Variants in SLC10A6 observed in about 807,000 individuals in gnomAD.
The protein encoded by SLC10A6 is sodium-dependent organic anion transporter.
In SLC10A6, 27 loss-of-function variants were observed where a neutral mutation model predicts 30.0. The ratio of observed to expected loss-of-function variants is 0.90; its 90% CI spans 0.66 to 1.24. SLC10A6 has a LOEUF of 1.24. Ranked by LOEUF, SLC10A6 falls within the 50% of genes most tolerant of loss-of-function variation. The pLI, the probability that SLC10A6 is intolerant of heterozygous loss-of-function variation, is 0.00. For missense variants in SLC10A6, 439 were observed against 457.0 expected (o/e 0.96, Z 0.36); for synonymous variants, 166 against 173.8 (o/e 0.95, Z 0.36).
chr4:86,837,292 AGGAAGGAAGG>A (rs1179982753), intron 1 of SLC10A6, among the ~76,000 whole-genome samples: 15 of 81,850 alleles, frequency 1.8e-4, no homozygotes, highest in East Asian at 3.5e-4. Context: ...AGAAAAAGAA[AGGAAGGAAGG>A]AAGGAAGGAA....
chr4:86,834,334 T>A (rs1455573774), intron 1 of SLC10A6, among the ~76,000 whole-genome samples: 1 of 152,174 alleles, frequency 6.6e-6, no homozygotes, highest in African/African-American at 2.4e-5. Context: ...GTGTACAGCC[T>A]GCAGACCCTC....
chr4:86,841,768 C>A (rs1746294076), intron 1 of SLC10A6, among the ~76,000 whole-genome samples: 1 of 151,886 alleles, frequency 6.6e-6, no homozygotes, highest in Non-Finnish European at 1.5e-5. Context: ...GAACTCTGAC[C>A]CTCAAAACTA....
chr4:86,846,886 T>G (rs1746402295), intron 1 of SLC10A6, among the ~76,000 whole-genome samples: 1 of 152,174 alleles, frequency 6.6e-6, no homozygotes, highest in South Asian at 2.1e-4. Flanking sequence ...AAAGGTGAAT[T>G]AAAGATAAGA....
At chr4:86,836,420 G>A (rs1175288859) in intron 1 of SLC10A6, among the ~76,000 whole-genome samples, 1 of 152,130 alleles carries the variant, frequency 6.6e-6, no homozygotes, top group African/African-American at 2.4e-5. Flanking sequence ...AGCTTTCTGG[G>A]AGGTGTTTAG....
In SLC10A6 at chr4:86,848,766, A is replaced by T; in HGVS notation, c.350T>A (p.Phe117Tyr). The T allele has an allele frequency of 6.2e-7, 1 of 1,602,482 alleles. No individual in the cohort carries two copies. Among genetic ancestry groups the T allele is most frequent in the South Asian group, 1.1e-5 (1 of 88,366 alleles). Residue 117 changes from phenylalanine to tyrosine, a missense_variant, in exon 1 of 6, where the codon TTC (phenylalanine) becomes TAC (tyrosine). Transcript: ENST00000273905. ...PGGTISNIFT[F>Y]WVDGDMDLSI... is the part of the protein sequence containing the mutation. ...GAGATCCATATCTCCATCAACCCAG[A>T]AGGTGAAAATGTTAGAGATGGTGCC...
At chr4:86,831,723 A>G in intron 3 of SLC10A6, 69 bp downstream of exon 3, 3 of 1,287,088 alleles carry the variant, frequency 2.3e-6, no homozygotes, top group Non-Finnish European at 3.3e-6. Context: ...TGTCCCAGCC[A>G]CTGCTCACTT....
At chr4:86,848,320 C>T (rs538821254) in intron 1 of SLC10A6, among the ~76,000 whole-genome samples, 3 of 152,268 alleles carry the variant, frequency 2.0e-5, no homozygotes, top group Admixed American at 1.3e-4. Flanking sequence ...ACTGGAGCTA[C>T]GGGAGTCTCA....
At position 86,849,231 on chromosome 4, in the gene SLC10A6, A is replaced by G. The variant is rs952907741; in HGVS notation, c.-116T>C. On this transcript the variant is annotated 5_prime_UTR_variant, in exon 1 of 6. Transcript: ENST00000273905. ...AAGTCACACATGGAGAATCATTCCA[A>G]TAACTGTTGGCCAGCAAGGTGATTC... 3 of 1,277,646 alleles carry G rather than the reference A, an allele frequency of 2.3e-6. No homozygotes were observed. The highest frequency in any genetic ancestry group is 3.2e-6 in the Non-Finnish European group (3 of 927,678). The allele number at this position is 1,277,646 out of a possible 1,614,324, so 79.1% of individuals were successfully genotyped here.
intron 1 of SLC10A6, among the ~76,000 whole-genome samples, chr4:86,846,780 C>T (rs1054681074): frequency 9.9e-5 from 15 of 151,938 alleles, no homozygotes; most frequent in South Asian, 2.1e-4. Context: ...CATATATATA[C>T]ATATATATAC....
intron 1 of SLC10A6, among the ~76,000 whole-genome samples, chr4:86,837,276 AAAGAAAGAAAAAGAAAGG>A (rs1746207682): frequency 1.9e-5 from 2 of 103,746 alleles, no homozygotes; most frequent in African/African-American, 3.8e-5. Context: ...AGAAAGAAAG[AAAGAAAGAAAAAGAAAGG>A]AAGGAAGGAA....
At chr4:86,826,405 C>G (rs1021717890) in intron 4 of SLC10A6, among the ~76,000 whole-genome samples, 4 of 152,010 alleles carry the variant, frequency 2.6e-5, no homozygotes, top group African/African-American at 4.8e-5. Flanking sequence ...ATGGTGAAAC[C>G]CTGTCCCTAC....
chr4:86,848,221 G>A (rs1451858673), intron 1 of SLC10A6, among the ~76,000 whole-genome samples: 1 of 152,176 alleles, frequency 6.6e-6, no homozygotes, highest in Non-Finnish European at 1.5e-5. Flanking sequence ...AGCACTTAAA[G>A]CTGGATATGG....
At chr4:86,848,143 C>T (rs1317515843) in intron 1 of SLC10A6, among the ~76,000 whole-genome samples, 1 of 152,280 alleles carries the variant, frequency 6.6e-6, no homozygotes, top group East Asian at 1.9e-4. Flanking sequence ...TGCAAAGCAA[C>T]AAGAAAGAAC....
At chr4:86,833,214 AT>A (rs1746115372) in intron 2 of SLC10A6, 91 bp downstream of exon 2, 15 of 1,022,666 alleles carry the variant, frequency 1.5e-5, no homozygotes, top group Non-Finnish European at 2.1e-5. Flanking sequence ...TACCAAAAAA[AT>A]CCCTGCATAA....
chr4:86,837,290 A>AAAGGAAGGAAGGAAGGAAGGAAGG (rs70953609), intron 1 of SLC10A6, among the ~76,000 whole-genome samples: 1 of 62,734 alleles, frequency 1.6e-5, no homozygotes, highest in African/African-American at 5.5e-5. Context: ...AAAGAAAAAG[A>AAAGGAAGGAAGGAAGGAAGGAAGG]AAGGAAGGAA....
At chr4:86,836,346 A>C (rs546400376) in intron 1 of SLC10A6, among the ~76,000 whole-genome samples, 1 of 152,312 alleles carries the variant, frequency 6.6e-6, no homozygotes, top group Admixed American at 6.5e-5. Flanking sequence ...CTATGGTCTG[A>C]ATGTGTCCTC....
intron 4 of SLC10A6, among the ~76,000 whole-genome samples, chr4:86,826,332 A>C (rs549968169): frequency 6.6e-6 from 1 of 152,304 alleles, no homozygotes; most frequent in Non-Finnish European, 1.5e-5. Flanking sequence ...TAATCTCAGC[A>C]CTTTGAGAGA....
chr4:86,835,921 A>G (rs1256959676), intron 1 of SLC10A6, among the ~76,000 whole-genome samples: 2 of 148,324 alleles, frequency 1.3e-5, no homozygotes, highest in Non-Finnish European at 3.0e-5. Flanking sequence ...AAGTAAGGTG[A>G]TAGTGGGACA....
At chr4:86,833,109 C>A (rs1047938181) in intron 2 of SLC10A6, among the ~76,000 whole-genome samples, 197 bp downstream of exon 2, 1 of 152,014 alleles carries the variant, frequency 6.6e-6, no homozygotes, top group Non-Finnish European at 1.5e-5. Context: ...TAATCTTGAT[C>A]AAGTTACTAA....
Sources: gnomAD v4.1 joint callset for allele counts (sites outside exome capture counted in the v4.1 genomes callset) on GRCh38, gnomAD v4.1.1 for gene constraint, MANE v1.5 for transcripts, NCBI Gene and HGNC (gene_info 2026-07-23, HGNC 2026-07-21) for gene names.